The following KIF1A variants were observed in gnomAD, a reference collection of about 807,000 sequenced individuals.
KIF1A encodes the protein kinesin family member 1A.
A neutral mutation model predicts 227.3 loss-of-function variants in KIF1A; 46 were observed. The observed-to-expected ratio is 0.20, with a 90% CI of 0.16 to 0.26. The LOEUF (loss-of-function observed/expected upper bound fraction) is 0.26. Ranked by LOEUF, KIF1A falls within the 10% of genes least tolerant of loss-of-function variation. KIF1A has a pLI of 1.00. For missense variants in KIF1A, 1,683 were observed against 2,485.9 expected, an observed-to-expected ratio of 0.68 and a Z score of 6.87; for synonymous variants, 1,022 against 1,012.8, an observed-to-expected ratio of 1.01 and a Z score of -0.17.
At chr2:240,723,919 G>T in intron 41 of KIF1A, 56 bp downstream of exon 41, 3 of 1,421,102 alleles carry the variant, frequency 2.1e-6, no homozygotes, top group South Asian at 1.1e-5. Context: ...CACCCCAAGT[G>T]GGCAGAGGTT....
At chr2:240,813,098 A>G (rs2126247809) in intron 1 of KIF1A, among the ~76,000 whole-genome samples, 1 of 152,254 alleles carries the variant, frequency 6.6e-6, no homozygotes, top group East Asian at 1.9e-4. Context: ...CCAGCCCAGA[A>G]CAAAGCATCG....
intron 22 of KIF1A, 88 bp downstream of exon 22, chr2:240,762,931 C>A: frequency 2.3e-6 from 3 of 1,297,634 alleles, no homozygotes; most frequent in Non-Finnish European, 3.1e-6. Context: ...TGGGGCCAGG[C>A]AAGCAGGGAG....
At chr2:240,815,393 C>T (rs193030853) in intron 1 of KIF1A, among the ~76,000 whole-genome samples, 3 of 152,122 alleles carry the variant, frequency 2.0e-5, no homozygotes, top group East Asian at 3.9e-4. Context: ...GGGAAGGGGC[C>T]CTGCAGGAGC....
At chr2:240,774,289 A>G (rs375007729) in intron 11 of KIF1A, 28 bp from the exon 12 acceptor site, 3 of 1,533,076 alleles carry the variant, frequency 2.0e-6, no homozygotes, top group Non-Finnish European at 2.7e-6. Flanking sequence ...GGTTGTGCCC[A>G]GAGGGGGATC....
intron 28 of KIF1A, among the ~76,000 whole-genome samples, chr2:240,748,268 G>T (rs13413486): frequency 0.013 from 2,014 of 152,266 alleles, 29 homozygotes; most frequent in African/African-American, 0.045. Flanking sequence ...TGAGAGGTGG[G>T]GGTACCTCTC....
intron 34 of KIF1A, 143 bp from the exon 35 acceptor site, chr2:240,741,520 C>G (rs1167544699): frequency 3.2e-6 from 2 of 617,568 alleles, no homozygotes; most frequent in Non-Finnish European, 5.5e-6. Context: ...AACAACCAGC[C>G]AACCCCAGCC....
intron 37 of KIF1A, 134 bp from the exon 38 acceptor site, chr2:240,737,302 CA>C (rs2047451112): frequency 5.8e-6 from 4 of 689,286 alleles, no homozygotes; most frequent in South Asian, 1.6e-5. Flanking sequence ...AAGGCGGTGC[CA>C]GGGGGAACAG....
Position 240,778,957 on chromosome 2 carries a change from G to A in KIF1A, c.883-3031C>T, listed in dbSNP as rs752898623. 3.3e-5 allele frequency among the ~76,000 whole-genome samples: 5 copies of A among 151,872 alleles called. No individual in the cohort carries two copies. Among genetic ancestry groups the A allele is most frequent in the East Asian group, 1.9e-4 (1 of 5,174 alleles). On this transcript the variant is annotated intron_variant, in intron 10 of 48. Transcript: ENST00000498729. This position sits in a 1 kb window ranked among gnomAD's most constrained non-coding sequence, Gnocchi z 7.2. Reference sequence around the variant, plus strand: ...TGTGCACCCCGTTCCTACACACAGCGCTCCACACGGCTCCTCACGGGTCCC... The same window carrying A: ...TGTGCACCCCGTTCCTACACACAGCACTCCACACGGCTCCTCACGGGTCCC...
intron 9 of KIF1A, 49 bp from the exon 10 acceptor site, chr2:240,782,656 G>A (rs775372273): frequency 2.6e-6 from 4 of 1,546,856 alleles, no homozygotes; most frequent in Admixed American, 2.0e-5. Context: ...CGAAGCTGGC[G>A]CGGGCTGTGG....
intron 27 of KIF1A, among the ~76,000 whole-genome samples, chr2:240,750,764 C>A (rs765626691): frequency 1.3e-5 from 2 of 152,056 alleles, no homozygotes; most frequent in African/African-American, 4.8e-5. Context: ...GAGAGGAGGA[C>A]GAGGAATGAG....
At chr2:240,720,679 G>C (rs1005547303) in intron 45 of KIF1A, 5 of 376,726 alleles carry the variant, frequency 1.3e-5, no homozygotes, top group Middle Eastern at 7.0e-4. Flanking sequence ...ACCCATTTCT[G>C]GTCTTCTTCA....
At chr2:240,802,738 C>G (rs1363881257) in intron 1 of KIF1A, among the ~76,000 whole-genome samples, 3 of 152,146 alleles carry the variant, frequency 2.0e-5, no homozygotes, top group Non-Finnish European at 4.4e-5. Context: ...CTTAAGCAAT[C>G]CTCCTGCCTC....
intron 37 of KIF1A, among the ~76,000 whole-genome samples, chr2:240,738,199 C>G (rs1055778455): frequency 5.9e-5 from 9 of 152,214 alleles, no homozygotes; most frequent in African/African-American, 1.9e-4. Flanking sequence ...CAGTGTTTAG[C>G]CTGCTCTGCG....
Position 240,737,183 on chromosome 2 carries a change from A to G in KIF1A, c.3902-15T>C, listed in dbSNP as rs765953316. 3.1e-6 allele frequency: 5 copies of G among 1,609,676 alleles called. No homozygotes were observed. Among genetic ancestry groups the G allele is most frequent in the African/African-American group, 1.3e-5 (1 of 74,926 alleles). On this transcript the variant is annotated splice_polypyrimidine_tract_variant and intron_variant, in intron 37 of 48. Coordinates refer to ENST00000498729, the MANE Select transcript of KIF1A (RefSeq NM_001244008.2). ...TCGGATGCGGCCTGCAGAAAAGGCA[A>G]CGGGCCACAGGTCACTTCCCAGGGG... is the stretch of plus-strand genomic sequence containing the variant.
At chr2:240,741,220 A>C (rs1037857980) in intron 35 of KIF1A, 49 bp downstream of exon 35, 174 of 1,296,490 alleles carry the variant, frequency 1.3e-4, no homozygotes, top group Non-Finnish European at 1.7e-4. Flanking sequence ...CTCTCCGCGC[A>C]CCCCCCGACA....
intron 1 of KIF1A, among the ~76,000 whole-genome samples, chr2:240,801,798 A>C (rs2056996914): frequency 6.6e-6 from 1 of 152,222 alleles, no homozygotes; most frequent in East Asian, 1.9e-4. Context: ...ATCCTCAGCC[A>C]ATGTGCCTTA....
At chr2:240,794,149 C>A (rs534281563) in intron 2 of KIF1A, among the ~76,000 whole-genome samples, 1 of 152,200 alleles carries the variant, frequency 6.6e-6, no homozygotes, top group African/African-American at 2.4e-5. Context: ...AGGAGAAAAG[C>A]CCATGACCCC....
In KIF1A at chr2:240,722,922, C is replaced by T. The variant is rs545340419; in HGVS notation, c.4465-266G>A. 7.9e-5 allele frequency among the ~76,000 whole-genome samples: 12 copies of T among 152,296 alleles called. No homozygotes were observed. In the South Asian group the frequency reaches 1.0e-3, roughly 13 times the overall value. ...GCTCCTCTCAGACACATCCATCTCA[C>T]GCGCCAGGTTCTGGGGCAGGGCTGT... On this transcript the variant is annotated intron_variant, in intron 42 of 48. Transcript: ENST00000498729.
chr2:240,779,016 A>ACAGTTCCACACT (rs529860226), intron 10 of KIF1A, among the ~76,000 whole-genome samples: 2 of 151,940 alleles, frequency 1.3e-5, no homozygotes, highest in Admixed American at 6.5e-5. Context: ...CCAGTTCCAC[A>ACAGTTCCACACT]CAGTTCCACA....
Sources: gnomAD v4.1 joint callset for allele counts (sites outside exome capture counted in the v4.1 genomes callset) on GRCh38, gnomAD v4.1.1 for gene constraint, Gnocchi (gnomAD v3.1) non-coding constraint, MANE v1.5 for transcripts, NCBI Gene and HGNC (gene_info 2026-07-23, HGNC 2026-07-21) for gene names.